The following NUFIP1 variants were observed in gnomAD, a reference collection of about 807,000 sequenced individuals.
The protein encoded by NUFIP1 is FMR1-interacting protein NUFIP1.
Under a neutral mutation model 56.2 loss-of-function variants are expected in NUFIP1, and 38 were observed. The ratio of observed to expected loss-of-function variants is 0.68; its 90% CI spans 0.52 to 0.89. The LOEUF is 0.89. Ranked by LOEUF, NUFIP1 falls within the 40% of genes least tolerant of loss-of-function variation. The pLI, the probability that NUFIP1 is intolerant of heterozygous loss-of-function variation, is 0.00. For missense variants in NUFIP1, 567 were observed against 605.8 expected, an observed-to-expected ratio of 0.94 and a Z score of 0.67; for synonymous variants, 215 against 212.4, an observed-to-expected ratio of 1.01 and a Z score of -0.10.
intron 7 of NUFIP1, among the ~76,000 whole-genome samples, chr13:44,952,905 C>A (rs890816864): frequency 6.6e-6 from 1 of 152,080 alleles, no homozygotes; most frequent in Non-Finnish European, 1.5e-5. Flanking sequence ...GAACTTGATA[C>A]TTTGAAGATT....
At chr13:44,958,803 G>T (rs1199571839) in intron 7 of NUFIP1, among the ~76,000 whole-genome samples, 1 of 152,174 alleles carries the variant, frequency 6.6e-6, no homozygotes, top group East Asian at 1.9e-4. Flanking sequence ...AAGGCTAAAT[G>T]ATATCTGTAT....
At chr13:44,953,358 A>G (rs1871137888) in intron 7 of NUFIP1, among the ~76,000 whole-genome samples, 1 of 152,144 alleles carries the variant, frequency 6.6e-6, no homozygotes, top group African/African-American at 2.4e-5. Context: ...TTTACCATTC[A>G]TCAGTGGATC....
At chr13:44,943,194 C>T (rs1870800545) in intron 9 of NUFIP1, among the ~76,000 whole-genome samples, 1 of 152,120 alleles carries the variant, frequency 6.6e-6, no homozygotes, top group African/African-American at 2.4e-5. Context: ...TCAGTAGATA[C>T]TTCCTTACCA....
At chr13:44,973,245 T>C (rs1187078214) in intron 5 of NUFIP1, among the ~76,000 whole-genome samples, 5 of 150,010 alleles carry the variant, frequency 3.3e-5, no homozygotes, top group African/African-American at 7.4e-5. Flanking sequence ...TTTGTCCCAG[T>C]GATGGTCTAC....
At chr13:44,980,216 T>A (rs1356831961) in intron 3 of NUFIP1, among the ~76,000 whole-genome samples, 1 of 152,236 alleles carries the variant, frequency 6.6e-6, no homozygotes, top group Non-Finnish European at 1.5e-5. Flanking sequence ...TGTGAAATGC[T>A]CTTAATTCCT....
chr13:44,960,672 C>T (rs1465922534), intron 6 of NUFIP1, among the ~76,000 whole-genome samples: 4 of 152,192 alleles, frequency 2.6e-5, no homozygotes, highest in African/African-American at 4.8e-5. Context: ...ACTATTTTCT[C>T]TGCTTTATAG....
At chr13:44,945,941 A>G (rs547592288) in intron 8 of NUFIP1, among the ~76,000 whole-genome samples, 1 of 152,234 alleles carries the variant, frequency 6.6e-6, no homozygotes, top group South Asian at 2.1e-4. Flanking sequence ...GAAAAGAAGT[A>G]TAGGGACAAG....
chr13:44,973,565 G>A (rs1871875001), intron 5 of NUFIP1, among the ~76,000 whole-genome samples: 1 of 152,064 alleles, frequency 6.6e-6, no homozygotes, highest in Non-Finnish European at 1.5e-5. Context: ...GAAGCAGCCA[G>A]GTAAAAGTTG....
intron 7 of NUFIP1, among the ~76,000 whole-genome samples, chr13:44,955,355 A>C (rs1325802142): frequency 6.6e-6 from 1 of 152,244 alleles, no homozygotes; most frequent in Non-Finnish European, 1.5e-5. Context: ...CTGAGAGTAC[A>C]CATGGCACCA....
At chr13:44,949,673 G>T in intron 8 of NUFIP1, 49 bp downstream of exon 8, 1 of 1,195,004 alleles carries the variant, frequency 8.4e-7, no homozygotes, top group Non-Finnish European at 1.2e-6. Context: ...TGCACAAAAG[G>T]CAAAAAGCAA....
At chr13:44,973,466 A>T (rs1871871772) in intron 5 of NUFIP1, among the ~76,000 whole-genome samples, 1 of 152,224 alleles carries the variant, frequency 6.6e-6, no homozygotes, top group African/African-American at 2.4e-5. Context: ...ACCAAAACAG[A>T]ATTATACCCA....
At chr13:44,960,946 G>A (rs1245846995) in intron 6 of NUFIP1, among the ~76,000 whole-genome samples, 8 of 151,798 alleles carry the variant, frequency 5.3e-5, no homozygotes, top group East Asian at 1.9e-4. Flanking sequence ...CCAGCTCCTC[G>A]GGAGGCTGAA....
At chr13:44,944,708 TTC>T (rs1447656772) in intron 8 of NUFIP1, among the ~76,000 whole-genome samples, 1 of 152,062 alleles carries the variant, frequency 6.6e-6, no homozygotes, top group Non-Finnish European at 1.5e-5. Context: ...TAGAGATATG[TTC>T]TCTGACTGTA....
rs1416004443 is a variant in NUFIP1 at position 44,941,290 on chromosome 13, A to G, written c.1404T>C (p.Asn468=). 3 of 1,610,496 alleles carry G rather than the reference A, an allele frequency of 1.9e-6. No homozygotes were observed. Reference sequence around the variant, plus strand: ...TGTACCGAACACACTGCAAAATCACATTTCTTTCATGTCGAATGTCCGGAG... The same window carrying G: ...TGTACCGAACACACTGCAAAATCACGTTTCTTTCATGTCGAATGTCCGGAG... ...LLAPDIRHER[N]VILQCVRYII... Residue 468 remains asparagine, a synonymous_variant, in exon 10 of 10, where the codon AAT becomes AAC. Transcript: ENST00000379161.
At chr13:44,963,026 C>T (rs540087129) in intron 6 of NUFIP1, among the ~76,000 whole-genome samples, 36 of 152,074 alleles carry the variant, frequency 2.4e-4, no homozygotes, top group African/African-American at 8.4e-4. Flanking sequence ...GTATCCCTGT[C>T]ATTAAGTGAC....
At chr13:44,942,069 G>A (rs539721083) in intron 9 of NUFIP1, among the ~76,000 whole-genome samples, 5 of 152,132 alleles carry the variant, frequency 3.3e-5, no homozygotes, top group African/African-American at 7.2e-5. Flanking sequence ...CACCATGCCC[G>A]GCTAAAAAGT....
At chr13:44,962,934 AG>A (rs1871472280) in intron 6 of NUFIP1, among the ~76,000 whole-genome samples, 1 of 152,224 alleles carries the variant, frequency 6.6e-6, no homozygotes, top group South Asian at 2.1e-4. Context: ...CTAGGTGTGT[AG>A]TAGGCTGTAT....
chr13:44,988,278 G>A (rs1190270105), intron 1 of NUFIP1, among the ~76,000 whole-genome samples: 1 of 152,138 alleles, frequency 6.6e-6, no homozygotes, highest in Non-Finnish European at 1.5e-5. Flanking sequence ...AAATTAGCCG[G>A]GTGTGGTGGC....
chr13:44,955,311 T>C (rs1243457828), intron 7 of NUFIP1, among the ~76,000 whole-genome samples: 5 of 152,164 alleles, frequency 3.3e-5, no homozygotes, highest in African/African-American at 1.2e-4. Context: ...ATCAAAACAA[T>C]GTCAATTCTC....
Sources: allele counts gnomAD v4.1 joint callset (sites outside exome capture counted in the v4.1 genomes callset), GRCh38; gene constraint gnomAD v4.1.1; transcripts MANE v1.5; gene names NCBI Gene and HGNC (gene_info 2026-07-23, HGNC 2026-07-21).